The following FAM227B variants were observed in gnomAD, a reference collection of about 807,000 sequenced individuals.
The protein encoded by FAM227B is protein FAM227B.
FAM227B carries 88 observed loss-of-function variants against 73.8 expected under a neutral mutation model. The observed-to-expected ratio is 1.19, with a 90% CI of 1.00 to 1.42. FAM227B has a LOEUF of 1.42. FAM227B is among the 40% of genes most tolerant of loss of function. The probability of loss-of-function intolerance (pLI) is 0.00; values close to 1 mark genes in which losing one functional copy is unlikely to be tolerated. For missense variants in FAM227B, 632 were observed against 590.9 expected (o/e 1.07, Z -0.72); for synonymous variants, 210 against 190.5 (o/e 1.10, Z -0.84).
At chr15:49,449,510 C>T (rs2052528345) in intron 11 of FAM227B, among the ~76,000 whole-genome samples, 1 of 151,972 alleles carries the variant, frequency 6.6e-6, no homozygotes, top group Non-Finnish European at 1.5e-5. Context: ...ATAGGATACC[C>T]AGAATGCAAT....
At chr15:49,433,695 C>T (rs916451088) in intron 11 of FAM227B, among the ~76,000 whole-genome samples, 1 of 151,560 alleles carries the variant, frequency 6.6e-6, no homozygotes, top group African/African-American at 2.4e-5. Flanking sequence ...TAAGCAGACA[C>T]AGTTACCACT....
chr15:49,460,699 T>G (rs780306641), intron 11 of FAM227B, among the ~76,000 whole-genome samples: 1 of 152,176 alleles, frequency 6.6e-6, no homozygotes. Flanking sequence ...ACCAGTCATG[T>G]ATATAATAAT....
chr15:49,348,525 T>C (rs2041842946), intron 13 of FAM227B, among the ~76,000 whole-genome samples: 4 of 152,162 alleles, frequency 2.6e-5, no homozygotes, highest in Non-Finnish European at 5.9e-5. Flanking sequence ...AACTAGAATA[T>C]AGGTTTCTAC....
intron 12 of FAM227B, among the ~76,000 whole-genome samples, chr15:49,368,809 T>C (rs540428697): frequency 1.3e-5 from 2 of 152,354 alleles, no homozygotes; most frequent in African/African-American, 4.8e-5. Flanking sequence ...ATTTCTGTTA[T>C]TTTTCTGCAG....
intron 9 of FAM227B, among the ~76,000 whole-genome samples, chr15:49,566,265 A>C (rs2074649197): frequency 7.5e-6 from 1 of 133,512 alleles, no homozygotes; most frequent in Non-Finnish European, 1.6e-5. Flanking sequence ...ATGAGCCATG[A>C]GCATTTTTTT....
At chr15:49,333,152 AT>A (rs1205293390) in intron 14 of FAM227B, among the ~76,000 whole-genome samples, 1 of 152,124 alleles carries the variant, frequency 6.6e-6, no homozygotes, top group East Asian at 1.9e-4. Flanking sequence ...TTTAAAAAAA[AT>A]TAAGTTTTAT....
chr15:49,334,859 T>C (rs1447255149), intron 14 of FAM227B, among the ~76,000 whole-genome samples: 1 of 152,154 alleles, frequency 6.6e-6, no homozygotes, highest in Non-Finnish European at 1.5e-5. Context: ...CCCTGCCCAT[T>C]TGTTCTTGTA....
At chr15:49,612,048 T>TA (rs1822799139) in intron 2 of FAM227B, among the ~76,000 whole-genome samples, 4 of 151,504 alleles carry the variant, frequency 2.6e-5, no homozygotes, top group African/African-American at 9.7e-5. Flanking sequence ...TTTTTTTTTT[T>TA]AATTTGGTAT....
intron 11 of FAM227B, among the ~76,000 whole-genome samples, chr15:49,468,014 C>T (rs2054417137): frequency 6.6e-6 from 1 of 152,118 alleles, no homozygotes; most frequent in African/African-American, 2.4e-5. Flanking sequence ...AGTTCTAACG[C>T]TGCTGAAACA....
At chr15:49,519,759 C>G (rs1329939699) in intron 10 of FAM227B, among the ~76,000 whole-genome samples, 1 of 152,174 alleles carries the variant, frequency 6.6e-6, no homozygotes, top group Non-Finnish European at 1.5e-5. Context: ...GTGAAGACCT[C>G]TGACATGCCC....
rs1422705484 is a variant in FAM227B, at chr15:49,328,613, T to C, written c.1482A>G (p.Ser494=). ...VASLSSSSSS[S]PSSTDNYNFE... is the part of the protein sequence containing the mutation. Reference sequence around the variant, plus strand: ...AGTTGTAGTTGTCTGTTGATGATGGTGATGATGATGATGATGACGATAGTG... The same window carrying C: ...AGTTGTAGTTGTCTGTTGATGATGGCGATGATGATGATGATGACGATAGTG... The change falls in exon 16 of 16, where the codon TCA becomes TCG. Residue 494 remains serine, a synonymous_variant. Transcript: ENST00000299338. The C allele has an allele frequency of 4.5e-6, 7 of 1,562,666 alleles. No individual in the cohort carries two copies. The highest frequency in any genetic ancestry group is 6.1e-6 in the Non-Finnish European group (7 of 1,149,446).
In FAM227B at chr15:49,575,109, C is replaced by T. The variant is rs1451459329; in HGVS notation, c.547G>A (p.Glu183Lys). 6.4e-7 allele frequency: 1 copy of T among 1,561,844 alleles called. No individual in the cohort carries two copies. The change falls in exon 8 of 16, where the codon GAA becomes AAA. Residue 183 changes from glutamate (E) to lysine (K), a missense_variant and splice_region_variant. Physicochemically the swap from Glu to Lys is moderately conservative, Grantham distance 56 (BLOSUM62 1). Coordinates refer to ENST00000299338, the MANE Select transcript of FAM227B (RefSeq NM_152647.3). ...LFILKAHNFD[E>K]RVFKIWKTHF... Reference sequence around the variant, plus strand: ...GTCTTCCAGATTTTAAAAACTCTTTCCTATGGAAAAAAACAAGAGAGAGAT... The same window carrying T: ...GTCTTCCAGATTTTAAAAACTCTTTTCTATGGAAAAAAACAAGAGAGAGAT...
chr15:49,333,462 C>A (rs1010000394), intron 14 of FAM227B, among the ~76,000 whole-genome samples: 1 of 152,140 alleles, frequency 6.6e-6, no homozygotes, highest in African/African-American at 2.4e-5. Flanking sequence ...TCTGCATATT[C>A]TCAGTGGTGA....
At chr15:49,569,436 C>G (rs187803530) in intron 8 of FAM227B, among the ~76,000 whole-genome samples, 76 of 151,796 alleles carry the variant, frequency 5.0e-4, no homozygotes, top group African/African-American at 1.6e-3. Context: ...TTTCCGGTTA[C>G]TTAATGTGTG....
At position 49,328,173 on chromosome 15, in the gene FAM227B, G is replaced by T; in HGVS notation, c.*395C>A. The T allele has an allele frequency of 1.9e-6, 3 of 1,607,826 alleles. No individual in the cohort carries two copies. The highest frequency in any genetic ancestry group is 1.1e-5 in the South Asian group (1 of 90,280). ...CTTGAGGCCTGAAAAAATGTAAAAA[G>T]TCTGAGAGAAACTACTTAGGGCACT... On this transcript the variant is annotated 3_prime_UTR_variant, in exon 16 of 16. Transcript: ENST00000299338.
intron 13 of FAM227B, among the ~76,000 whole-genome samples, chr15:49,345,886 A>T (rs1216999191): frequency 6.6e-6 from 1 of 152,170 alleles, no homozygotes; most frequent in Non-Finnish European, 1.5e-5. Flanking sequence ...GAAGTGAAGT[A>T]CCTTGCCTTT....
Position 49,412,900 on chromosome 15 carries a change from A to G in FAM227B, c.1013-41501T>C, listed in dbSNP as rs1270970498. 7.9e-5 allele frequency among the ~76,000 whole-genome samples: 12 copies of G among 152,248 alleles called. No individual in the cohort carries two copies. The South Asian group carries it at 2.5e-3, about 32-fold the overall frequency. ...CTCATTCAAAGGAGTAAAAAGGTCC[A>G]GATCTCTCTGATCCAGAATGAATTG... On this transcript the variant is annotated intron_variant, in intron 11 of 15. Coordinates refer to ENST00000299338, the MANE Select transcript of FAM227B (RefSeq NM_152647.3).
chr15:49,619,396 G>A (rs1350469855), intron 1 of FAM227B, among the ~76,000 whole-genome samples: 2 of 152,146 alleles, frequency 1.3e-5, no homozygotes, highest in African/African-American at 4.8e-5. Flanking sequence ...AAAAGGTCAG[G>A]CAATTTTTGC....
chr15:49,537,046 CAATAGCAAAA>C (rs2070377805), intron 10 of FAM227B, among the ~76,000 whole-genome samples: 1 of 152,028 alleles, frequency 6.6e-6, no homozygotes, highest in Non-Finnish European at 1.5e-5. Flanking sequence ...GCTTGGGCTA[CAATAGCAAAA>C]ATAAGCAAAT....
Sources: gnomAD v4.1 joint callset for allele counts (sites outside exome capture counted in the v4.1 genomes callset) on GRCh38, gnomAD v4.1.1 for gene constraint, MANE v1.5 for transcripts, NCBI Gene and HGNC (gene_info 2026-07-23, HGNC 2026-07-21) for gene names.